Variants in RAB3IP observed in about 807,000 individuals in gnomAD.
The protein encoded by RAB3IP is rab-3A-interacting protein.
RAB3IP carries 36 observed loss-of-function variants against 59.1 expected under a neutral mutation model. The observed-to-expected ratio is 0.61, with a 90% confidence interval of 0.47 to 0.80. The LOEUF is 0.80. Among genes scored for constraint, RAB3IP ranks in the 30% least tolerant of loss-of-function variants. The pLI is 0.00. For synonymous variants in RAB3IP, 207 were observed against 191.2 expected (o/e 1.08, Z -0.68); for missense variants, 511 against 536.0 (o/e 0.95, Z 0.46).
At chr12:69,757,456 A>G (rs1027849819) in intron 3 of RAB3IP, among the ~76,000 whole-genome samples, 6 of 152,198 alleles carry the variant, frequency 3.9e-5, no homozygotes, top group Non-Finnish European at 5.9e-5. Flanking sequence ...GACTGACAAA[A>G]AGAAGACAGA....
At chr12:69,812,696 CTGAA>C (rs1880620494) in intron 8 of RAB3IP, 78 bp from the exon 9 acceptor site, 1 of 872,826 alleles carries the variant, frequency 1.1e-6, no homozygotes, top group South Asian at 1.7e-5. Flanking sequence ...TGTTATCTAA[CTGAA>C]TGAATAGGCA....
At chr12:69,771,963 C>T (rs1232202900) in intron 3 of RAB3IP, among the ~76,000 whole-genome samples, 1 of 152,040 alleles carries the variant, frequency 6.6e-6, no homozygotes, top group African/African-American at 2.4e-5. Context: ...TTATTCAGGT[C>T]TTTTGCCCAT....
chr12:69,745,837 T>A (rs1300158541), intron 1 of RAB3IP, among the ~76,000 whole-genome samples: 1 of 152,230 alleles, frequency 6.6e-6, no homozygotes, highest in Non-Finnish European at 1.5e-5. Context: ...CCATTTCAGC[T>A]TCTAAGTGTA....
intron 3 of RAB3IP, among the ~76,000 whole-genome samples, chr12:69,778,592 C>T (rs372144533): frequency 2.3e-4 from 10 of 44,248 alleles, no homozygotes; most frequent in African/African-American, 7.3e-4. Context: ...GATGGGTTTT[C>T]GGTGTAGATG....
chr12:69,806,570 G>GTTTTTTTTTTTTT (rs35262716), intron 8 of RAB3IP, among the ~76,000 whole-genome samples: 126 of 68,430 alleles, frequency 1.8e-3, no homozygotes, highest in Middle Eastern at 0.012. Context: ...TGCTTCTCTA[G>GTTTTTTTTTTTTT]TTTTTTTTTT....
chr12:69,821,369 T>TA lies in RAB3IP; in HGVS notation c.*5924dup, dbSNP rs1881723977. On this transcript the variant is annotated 3_prime_UTR_variant, in exon 11 of 11. Coordinates refer to ENST00000247833, the MANE Select transcript of RAB3IP (RefSeq NM_022456.5). ...GACGTAAAGACCATAATCAGGAAAA[T>TA]ACGCATCATATTTGTTATTCACTGA... is the stretch of plus-strand genomic sequence containing the variant. 1.3e-5 allele frequency: 2 copies of TA among 152,122 alleles called. No homozygotes were observed. The highest frequency in any genetic ancestry group is 4.8e-5 in the African/African-American group (2 of 41,420). 9.4% of individuals were successfully genotyped at this position (152,122 alleles called of 1,614,324 possible). A position where few individuals can be genotyped will look rare whatever the true frequency, so the allele number is the denominator to read the frequency against.
chr12:69,752,600 T>C (rs1249752668), intron 1 of RAB3IP, among the ~76,000 whole-genome samples: 6 of 152,198 alleles, frequency 3.9e-5, no homozygotes, highest in Non-Finnish European at 8.8e-5. Context: ...TTTAATATCA[T>C]TTTGAAGTTA....
chr12:69,815,334 T>A lies in RAB3IP; in HGVS notation c.1301-30T>A, dbSNP rs747544297. On this transcript the variant is annotated intron_variant, in intron 10 of 10. Transcript: ENST00000247833. The stretch of plus-strand genomic sequence containing the variant: ...AAATAATGAAGATGGTATTTTATGA[T>A]TTAAATATCTCTCTTTTCTGTTTGT... 2.1e-6 allele frequency: 3 copies of A among 1,461,434 alleles called. No homozygotes were observed. In the East Asian group the frequency reaches 6.9e-5, roughly 34 times the overall value. 90.5% of individuals were successfully genotyped at this position (1,461,434 alleles called of 1,614,324 possible). A position where few individuals can be genotyped will look rare whatever the true frequency, so the allele number is the denominator to read the frequency against.
chr12:69,750,601 G>A (rs1378660563), intron 1 of RAB3IP, among the ~76,000 whole-genome samples: 1 of 137,262 alleles, frequency 7.3e-6, no homozygotes, highest in East Asian at 2.4e-4. Context: ...TGTTTATGAT[G>A]AGAGTTTCCC....
intron 4 of RAB3IP, among the ~76,000 whole-genome samples, chr12:69,785,747 G>A (rs1645757893): frequency 6.6e-6 from 1 of 152,158 alleles, no homozygotes; most frequent in South Asian, 2.1e-4. Flanking sequence ...GATAATGTTT[G>A]ACTACATATT....
At chr12:69,801,453 CA>C (rs1319769135) in intron 7 of RAB3IP, among the ~76,000 whole-genome samples, 155 bp from the exon 8 acceptor site, 2 of 152,110 alleles carry the variant, frequency 1.3e-5, no homozygotes, top group Non-Finnish European at 2.9e-5. Flanking sequence ...TAAAATAAAT[CA>C]AACCAAAATT....
intron 6 of RAB3IP, among the ~76,000 whole-genome samples, chr12:69,797,253 C>A (rs964140998): frequency 6.6e-6 from 1 of 152,140 alleles, no homozygotes; most frequent in Non-Finnish European, 1.5e-5. Context: ...GATTTGAATT[C>A]GGACTTTACT....
At chr12:69,744,728 G>T (rs998096729) in intron 1 of RAB3IP, among the ~76,000 whole-genome samples, 3 of 151,356 alleles carry the variant, frequency 2.0e-5, no homozygotes, top group Non-Finnish European at 4.4e-5. Flanking sequence ...GAATTAGTGG[G>T]AATTCATTTG....
intron 8 of RAB3IP, among the ~76,000 whole-genome samples, chr12:69,805,447 G>T (rs1285377905): frequency 6.6e-6 from 1 of 152,166 alleles, no homozygotes; most frequent in Non-Finnish European, 1.5e-5. Flanking sequence ...TGCAAATTGG[G>T]ACAATTTGAC....
At position 69,771,721 on chromosome 12, in the gene RAB3IP, T is replaced by C. The variant is rs1191618774; in HGVS notation, c.511-12999T>C. Reference sequence around the variant, plus strand: ...TTAATTTTTGGGAGAACCTCCATACTGTTGTCTGTAATGGCTGTACTAATT... The same window carrying C: ...TTAATTTTTGGGAGAACCTCCATACCGTTGTCTGTAATGGCTGTACTAATT... On this transcript the variant is annotated intron_variant, in intron 3 of 10. Coordinates refer to ENST00000247833, the MANE Select transcript of RAB3IP (RefSeq NM_022456.5). 5.3e-5 allele frequency among the ~76,000 whole-genome samples: 8 copies of C among 152,318 alleles called. No homozygotes were observed. In the East Asian group the frequency reaches 9.6e-4, roughly 18 times the overall value.
intron 4 of RAB3IP, among the ~76,000 whole-genome samples, chr12:69,787,595 A>G (rs954944869): frequency 3.3e-5 from 5 of 152,158 alleles, no homozygotes; most frequent in African/African-American, 9.6e-5. Flanking sequence ...AACCATGGAA[A>G]AGAAGTCATC....
In RAB3IP at chr12:69,762,582, C is replaced by T. The variant is rs138824495; in HGVS notation, c.510+5919C>T. ...ACCATCCTGGCTAACACGGTGAAACCGCTTCTCTACTAAAAATACAAAAAA... is the reference window on the plus strand; with the variant it reads ...ACCATCCTGGCTAACACGGTGAAACTGCTTCTCTACTAAAAATACAAAAAA... On this transcript the variant is annotated intron_variant, in intron 3 of 10. Transcript: ENST00000247833. Among the ~76,000 whole-genome samples, 502 of 151,718 alleles carry T rather than the reference C, an allele frequency of 3.3e-3. 5 individuals carry two copies. The highest frequency in any genetic ancestry group is 0.011 in the African/African-American group (449 of 41,398).
intron 3 of RAB3IP, among the ~76,000 whole-genome samples, chr12:69,773,383 C>A (rs1332014510): frequency 4.9e-5 from 6 of 121,960 alleles, no homozygotes; most frequent in Non-Finnish European, 7.1e-5. Flanking sequence ...GATACGCCTT[C>A]TACCCATTTG....
chr12:69,764,082 G>C (rs1871806885), intron 3 of RAB3IP, among the ~76,000 whole-genome samples: 1 of 152,158 alleles, frequency 6.6e-6, no homozygotes, highest in South Asian at 2.1e-4. Flanking sequence ...GAGTGCATGT[G>C]TCTTTTTGGG....
Sources: gnomAD v4.1 joint callset for allele counts (sites outside exome capture counted in the v4.1 genomes callset) on GRCh38, gnomAD v4.1.1 for gene constraint, MANE v1.5 for transcripts, NCBI Gene and HGNC (gene_info 2026-07-23, HGNC 2026-07-21) for gene names.